Variants in MAGI2 observed in about 807,000 individuals in gnomAD.
The protein encoded by MAGI2 is membrane associated guanylate kinase, WW and PDZ domain containing 2.
A neutral mutation model predicts 133.3 loss-of-function variants in MAGI2; 35 were observed. The observed-to-expected ratio is 0.26, with a 90% CI of 0.20 to 0.35. The LOEUF (loss-of-function observed/expected upper bound fraction) is 0.35, where lower values mean the gene tolerates loss of function less well. Ranked by LOEUF, MAGI2 falls within the 10% of genes least tolerant of loss-of-function variation. MAGI2 has a pLI of 1.00. For missense variants in MAGI2, 1,636 were observed against 1,863.4 expected (o/e 0.88, Z 2.25); for synonymous variants, 729 against 710.6 (o/e 1.03, Z -0.41).
chr7:78,187,843 A>T (rs1446331664), intron 12 of MAGI2, among the ~76,000 whole-genome samples: 1 of 152,202 alleles, frequency 6.6e-6, no homozygotes, highest in African/African-American at 2.4e-5. Context: ...CTTGCCATCT[A>T]GCACTTAAAC....
chr7:78,240,516 G>A (rs189035391), intron 10 of MAGI2, among the ~76,000 whole-genome samples: 2 of 152,112 alleles, frequency 1.3e-5, no homozygotes, highest in Admixed American at 6.6e-5. Context: ...AGCATATTTT[G>A]GTAAGTGAAA....
intron 2 of MAGI2, among the ~76,000 whole-genome samples, chr7:78,709,383 G>A (rs1484244683): frequency 6.6e-6 from 1 of 150,958 alleles, no homozygotes; most frequent in Non-Finnish European, 1.5e-5. Flanking sequence ...CTAAGGAAAT[G>A]CCCTTTATCT....
At position 78,729,633 on chromosome 7, in the gene MAGI2, T is replaced by C. The variant is rs78619845; in HGVS notation, c.419-102394A>G. Among the ~76,000 whole-genome samples the C allele has an allele frequency of 3.3e-3, 499 of 152,292 alleles. 1 individual carries two copies. The highest frequency in any genetic ancestry group is 0.01 in the African/African-American group (436 of 41,562). On this transcript the variant is annotated intron_variant, in intron 2 of 21. Transcript: ENST00000354212. ...AGAACCACAATGGCCCTCATCCACA[T>C]GGAGCTTGTGTCTAGCAGGGGATTT...
intron 21 of MAGI2, among the ~76,000 whole-genome samples, chr7:78,025,114 T>G (rs1471608662): frequency 1.3e-5 from 2 of 152,206 alleles, no homozygotes; most frequent in Non-Finnish European, 2.9e-5. Context: ...TCATTTCCCC[T>G]CATTGCCTAT....
At chr7:78,460,651 A>G (rs1388575149) in intron 6 of MAGI2, among the ~76,000 whole-genome samples, 2 of 152,198 alleles carry the variant, frequency 1.3e-5, no homozygotes, top group African/African-American at 4.8e-5. Flanking sequence ...TTTACAAAGG[A>G]TATCTGAATA....
At chr7:79,123,556 C>T (rs1434000136) in intron 1 of MAGI2, among the ~76,000 whole-genome samples, 1 of 151,980 alleles carries the variant, frequency 6.6e-6, no homozygotes, top group Non-Finnish European at 1.5e-5. Context: ...GAGGCTGAGG[C>T]AGGTGGATCA....
chr7:79,006,208 T>C (rs1245365216), intron 2 of MAGI2, among the ~76,000 whole-genome samples: 1 of 152,208 alleles, frequency 6.6e-6, no homozygotes, highest in African/African-American at 2.4e-5. Flanking sequence ...GTTTCACTTA[T>C]ACCAGCCAAC....
At chr7:78,617,943 A>G (rs1274207400) in intron 3 of MAGI2, 1 of 152,028 alleles carries the variant, frequency 6.6e-6, no homozygotes, top group East Asian at 1.9e-4. Flanking sequence ...TGTCCCCCAG[A>G]TTAGGAATAT....
In MAGI2 at chr7:79,452,759, A is replaced by G. The variant is rs1586040996; in HGVS notation, c.301+261T>C. 3 of 452,354 alleles carry G rather than the reference A, an allele frequency of 6.6e-6. No individual in the cohort carries two copies. In the East Asian group the frequency reaches 1.1e-4, roughly 16 times the overall value. 28.0% of individuals were successfully genotyped at this position (452,354 alleles called of 1,614,324 possible). A position where few individuals can be genotyped will look rare whatever the true frequency, so the allele number is the denominator to read the frequency against. On this transcript the variant is annotated intron_variant, in intron 1 of 21. Transcript: ENST00000354212. ...TTGCCCCAGCAGCTCTGAGGAGGTC[A>G]GACCAGGCCGAGCACCTTCCAAAGG...
intron 2 of MAGI2, among the ~76,000 whole-genome samples, chr7:79,001,342 A>T (rs1037965120): frequency 1.3e-5 from 2 of 152,222 alleles, no homozygotes; most frequent in African/African-American, 4.8e-5. Flanking sequence ...AAACTGTCTC[A>T]CCAAATGACA....
chr7:79,163,188 A>AT, intron 1 of MAGI2, among the ~76,000 whole-genome samples: 1 of 152,058 alleles, frequency 6.6e-6, no homozygotes, highest in East Asian at 1.9e-4. Context: ...TTATGTATAT[A>AT]TTTTTTGAGA....
At position 78,323,690 on chromosome 7, in the gene MAGI2, C is replaced by A. The variant is rs186585386; in HGVS notation, c.1408+20088G>T. Among the ~76,000 whole-genome samples, 24 of 152,254 alleles carry A rather than the reference C, an allele frequency of 1.6e-4. No homozygotes were observed. In the East Asian group the frequency reaches 4.4e-3, roughly 28 times the overall value. ...GAACCTAGTTTCATTTTAACATCAA[C>A]AATCAAGTGAAATCTTCTTGTAATT... On this transcript the variant is annotated intron_variant, in intron 9 of 21. Coordinates refer to ENST00000354212, the MANE Select transcript of MAGI2 (RefSeq NM_012301.4).
At chr7:79,229,673 CAG>C (rs1421292894) in intron 1 of MAGI2, among the ~76,000 whole-genome samples, 8 of 152,104 alleles carry the variant, frequency 5.3e-5, no homozygotes, top group African/African-American at 1.9e-4. Context: ...CAGTTGCAGA[CAG>C]AGATAACAGA....
intron 1 of MAGI2, among the ~76,000 whole-genome samples, chr7:79,101,593 G>A (rs917546426): frequency 2.0e-5 from 3 of 151,696 alleles, no homozygotes; most frequent in South Asian, 4.2e-4. Flanking sequence ...GCGTGGTGGC[G>A]GGCGCCCGTA....
intron 2 of MAGI2, among the ~76,000 whole-genome samples, chr7:78,898,448 A>G (rs1797372095): frequency 6.6e-6 from 1 of 152,240 alleles, no homozygotes; most frequent in Non-Finnish European, 1.5e-5. Context: ...TGTCCTACAT[A>G]TACACCATGG....
intron 7 of MAGI2, among the ~76,000 whole-genome samples, chr7:78,363,466 C>T (rs1422333971): frequency 6.6e-6 from 1 of 151,370 alleles, no homozygotes; most frequent in East Asian, 1.9e-4. Context: ...GCACTCCAGC[C>T]TCGGTGACAG....
intron 1 of MAGI2, among the ~76,000 whole-genome samples, chr7:79,051,372 G>A (rs932685895): frequency 1.3e-5 from 2 of 152,148 alleles, no homozygotes; most frequent in Admixed American, 1.3e-4. Flanking sequence ...AACTACTGAT[G>A]TGCTCCTGGT....
At chr7:78,137,763 A>G (rs1298422307) in intron 16 of MAGI2, among the ~76,000 whole-genome samples, 1 of 152,176 alleles carries the variant, frequency 6.6e-6, no homozygotes, top group Non-Finnish European at 1.5e-5. Flanking sequence ...AGCTTGTAAG[A>G]GTTTATTATT....
chr7:78,645,640 G>GGTGTGTGTGT (rs59287974), intron 2 of MAGI2, among the ~76,000 whole-genome samples: 2 of 147,348 alleles, frequency 1.4e-5, no homozygotes, highest in African/African-American at 2.5e-5. Context: ...ATATAAGTGT[G>GGTGTGTGTGT]GTGTGTGTGT....
Sources: allele counts gnomAD v4.1 joint callset (sites outside exome capture counted in the v4.1 genomes callset), GRCh38; gene constraint gnomAD v4.1.1; transcripts MANE v1.5; gene names NCBI Gene and HGNC (gene_info 2026-07-23, HGNC 2026-07-21).